The following TOP3B variants were observed in gnomAD, a reference collection of about 807,000 sequenced individuals.
TOP3B encodes the protein DNA topoisomerase 3-beta-1.
A neutral mutation model predicts 93.9 loss-of-function variants in TOP3B; 45 were observed. The observed-to-expected ratio is 0.48, with a 90% CI of 0.38 to 0.61. The LOEUF is 0.61. Among genes scored for constraint, TOP3B ranks in the 20% least tolerant of loss-of-function variants. TOP3B has a pLI of 0.00. For synonymous variants in TOP3B, 357 were observed against 472.6 expected (o/e 0.76, Z 3.17); for missense variants, 750 against 1,156.1 (o/e 0.65, Z 5.09).
intron 13 of TOP3B, chr22:21,962,026 A>C: frequency 1.1e-6 from 1 of 902,796 alleles, no homozygotes; most frequent in Non-Finnish European, 1.4e-6. Flanking sequence ...CTCCCAGGGA[A>C]GCAGCTCCTG....
intron 3 of TOP3B, chr22:21,973,415 C>T (rs5750281): frequency 0.044 from 6,606 of 151,804 alleles, 322 homozygotes; most frequent in East Asian, 0.22. Flanking sequence ...ACTACAGGTG[C>T]GCACCACCAT....
In TOP3B at chr22:21,967,648, G is replaced by C. The variant is rs745465196; in HGVS notation, c.807C>G (p.Ile269Met). 3 of 1,614,154 alleles carry C rather than the reference G, an allele frequency of 1.9e-6. No homozygotes were observed. The highest frequency in any genetic ancestry group is 2.5e-6 in the Non-Finnish European group (3 of 1,180,012). Residue 269 changes from isoleucine to methionine, a missense_variant, in exon 8 of 18, where the codon ATC (isoleucine) becomes ATG (methionine). Ile to Met is a conservative substitution (Grantham distance 10, BLOSUM62 1). Around this residue, in one of 4 missense-constraint regions of TOP3B, gnomAD observed 737 missense variants for 933.7 expected, o/e 0.79. Transcript: ENST00000357179. Reference sequence around the variant, plus strand: ...TTGTCATGTTTAAAAACATCTGTGCGATCTCCCGGTCAAACACTCTTACTC... The same window carrying C: ...TTGTCATGTTTAAAAACATCTGTGCCATCTCCCGGTCAAACACTCTTACTC... ...WDRVRVFDRE[I>M]AQMFLNMTKL...
At chr22:21,972,518 G>C (rs2071682131) in intron 4 of TOP3B, 94 bp downstream of exon 4, 1 of 977,338 alleles carries the variant, frequency 1.0e-6, no homozygotes, top group African/African-American at 1.6e-5. Flanking sequence ...CCTGTCCAAG[G>C]GGGATTAGGA....
chr22:21,977,562 C>T (rs1402106952), intron 1 of TOP3B: 1 of 147,236 alleles, frequency 6.8e-6, no homozygotes, highest in African/African-American at 2.5e-5. Flanking sequence ...AAAGGGAAAA[C>T]CACCACGTAA....
At position 21,971,992 on chromosome 22, in the gene TOP3B, C is replaced by T. The variant is rs774286942; in HGVS notation, c.310-41G>A. ...GGTTCACACGTACCTGCTGCAGACC[C>T]GGTCTGTGCCACCCGCCCCCAGTGC... On this transcript the variant is annotated intron_variant, in intron 4 of 17. Coordinates refer to ENST00000357179, the MANE Select transcript of TOP3B (RefSeq NM_001282112.2). The surrounding 1 kb of genome is among the most constrained non-coding windows in gnomAD (Gnocchi z 4.6). 2.2e-5 allele frequency: 34 copies of T among 1,572,906 alleles called. No individual in the cohort carries two copies. The highest frequency in any genetic ancestry group is 1.8e-5 in the Non-Finnish European group (21 of 1,150,654).
chr22:21,963,731 GCTGCTACCT>G lies in TOP3B; in HGVS notation c.1204+183_1204+191del. The G allele has an allele frequency of 1.7e-6, 1 of 605,048 alleles. No individual in the cohort carries two copies. The highest frequency in any genetic ancestry group is 2.9e-6 in the Non-Finnish European group (1 of 346,004). 37.5% of individuals were successfully genotyped at this position (605,048 alleles called of 1,614,324 possible). On this transcript the variant is annotated intron_variant, in intron 11 of 17. Coordinates refer to ENST00000357179, the MANE Select transcript of TOP3B (RefSeq NM_001282112.2). This position sits in a 1 kb window ranked among gnomAD's most constrained non-coding sequence, Gnocchi z 4.8. ...CCCTTGCCTCCCTGCAACAGCACCT[GCTGCTACCT>G]CTTCACTCCTGTCCTGGTCCCATAG...
At chr22:21,981,704 G>A (rs1319205203) in intron 1 of TOP3B, among the ~76,000 whole-genome samples, 1 of 152,108 alleles carries the variant, frequency 6.6e-6, no homozygotes, top group East Asian at 1.9e-4. Flanking sequence ...GGCTGAGGCA[G>A]GAGAATCACT....
rs1339454314 is a variant in TOP3B at position 21,970,428 on chromosome 22, C to T, written c.385-22G>A. On this transcript the variant is annotated intron_variant, in intron 5 of 17. Coordinates refer to ENST00000357179, the MANE Select transcript of TOP3B (RefSeq NM_001282112.2). The surrounding 1 kb of genome is among the most constrained non-coding windows in gnomAD (Gnocchi z 4.4). ...GAACCTGGGGGTGGGGAGTGGCCAG[C>T]TGTGACCCACCTCCCAGATCCCTGC... 1 of 1,609,564 alleles carries T rather than the reference C, an allele frequency of 6.2e-7. No homozygotes were observed. Among genetic ancestry groups the T allele is most frequent in the Non-Finnish European group, 8.5e-7 (1 of 1,177,980 alleles).
Position 21,959,311 on chromosome 22 carries a change from G to C in TOP3B, c.1805-79C>G, listed in dbSNP as rs1196982608. 1.1e-5 allele frequency: 17 copies of C among 1,586,698 alleles called. No homozygotes were observed. The Middle Eastern group carries it at 8.7e-4, about 81-fold the overall frequency. ...CTCCGCAACACGTGGTCAAGGGTCT[G>C]AGTGTGAAAGGGTCCCTATAGGCGG... is the stretch of plus-strand genomic sequence containing the variant. On this transcript the variant is annotated intron_variant, in intron 15 of 17. Transcript: ENST00000357179.
chr22:21,960,113 G>T, intron 14 of TOP3B: 1 of 766,704 alleles, frequency 1.3e-6, no homozygotes, highest in Non-Finnish European at 2.1e-6. Flanking sequence ...TCACACATCT[G>T]TTCAGCCTTC....
intron 2 of TOP3B, chr22:21,975,379 C>G (rs2071822693): frequency 2.6e-6 from 1 of 379,196 alleles, no homozygotes; most frequent in South Asian, 4.6e-5. Context: ...CTAATAGCCC[C>G]ACCAGGCCCA....
intron 7 of TOP3B, 30 bp from the exon 8 acceptor site, chr22:21,967,746 A>G (rs1191785456): frequency 1.3e-6 from 2 of 1,585,458 alleles, no homozygotes; most frequent in Admixed American, 1.7e-5. Flanking sequence ...GGGTGAACGC[A>G]CAAGAAAAAG....
chr22:21,979,941 CA>C (rs57880095), intron 1 of TOP3B, among the ~76,000 whole-genome samples: 6,980 of 53,526 alleles, frequency 0.13, 49 homozygotes, highest in Non-Finnish European at 0.14. Flanking sequence ...ACTCCATCTC[CA>C]AAAAAAAAAA....
intron 9 of TOP3B, 52 bp downstream of exon 9, chr22:21,965,233 G>C: frequency 7.0e-7 from 1 of 1,426,474 alleles, no homozygotes; most frequent in Non-Finnish European, 9.5e-7. Context: ...GCTCCAGGCT[G>C]AACCTGCCTC....
chr22:21,964,690 C>T (rs760172235), intron 9 of TOP3B: 52 of 257,468 alleles, frequency 2.0e-4, no homozygotes, highest in Non-Finnish European at 3.0e-4. Context: ...GGTTGGCTGA[C>T]GACAGAGTTA....
Position 21,959,756 on chromosome 22 carries a change from A to G in TOP3B, c.1655-20T>C, listed in dbSNP as rs1340978084. ...CTGCATCTGCAAGTGGGCAGGGGGC[A>G]GATATTGCCCTGAGCACTCGCACCC... On this transcript the variant is annotated intron_variant, in intron 14 of 17. Coordinates refer to ENST00000357179, the MANE Select transcript of TOP3B (RefSeq NM_001282112.2). 2 of 1,610,078 alleles carry G rather than the reference A, an allele frequency of 1.2e-6. No individual in the cohort carries two copies. Among genetic ancestry groups the G allele is most frequent in the South Asian group, 2.2e-5 (2 of 90,668 alleles).
At chr22:21,960,221 CTGTAGGGCA>C in intron 14 of TOP3B, 91 bp downstream of exon 14, 1 of 1,559,566 alleles carries the variant, frequency 6.4e-7, no homozygotes, top group East Asian at 2.2e-5. Flanking sequence ...TGGGGGATCA[CTGTAGGGCA>C]GGGGCCTGTC....
intron 3 of TOP3B, chr22:21,973,601 C>T (rs2071739230): frequency 6.6e-6 from 1 of 152,082 alleles, no homozygotes; most frequent in African/African-American, 2.4e-5. Flanking sequence ...CGGCTCCCCA[C>T]CTGCCAGTTG....
chr22:21,967,852 T>C, intron 7 of TOP3B, 136 bp from the exon 8 acceptor site: 1 of 661,980 alleles, frequency 1.5e-6, no homozygotes, highest in Non-Finnish European at 2.7e-6. Context: ...CTCACAGCTG[T>C]ACCTGTTCAG....
Sources: gnomAD v4.1 joint callset for allele counts (sites outside exome capture counted in the v4.1 genomes callset) on GRCh38, gnomAD v4.1.1 for gene constraint, gnomAD v4.1.1 regional missense constraint, Gnocchi (gnomAD v3.1) non-coding constraint, MANE v1.5 for transcripts, NCBI Gene and HGNC (gene_info 2026-07-23, HGNC 2026-07-21) for gene names.